The following COL14A1 variants were observed in gnomAD, a reference collection of about 807,000 sequenced individuals.
COL14A1 encodes collagen type XIV alpha 1 chain.
In COL14A1, 136 loss-of-function variants were observed where a neutral mutation model predicts 230.3. The ratio of observed to expected loss-of-function variants is 0.59; its 90% confidence interval spans 0.51 to 0.68. The LOEUF is 0.68. Among genes scored for constraint, COL14A1 ranks in the 30% least tolerant of loss-of-function variants. The probability of loss-of-function intolerance (pLI) is 0.00; values close to 1 mark genes in which losing one functional copy is unlikely to be tolerated. For missense variants in COL14A1, 1,976 were observed against 2,215.8 expected (o/e 0.89, Z 2.17); for synonymous variants, 792 against 784.1 (o/e 1.01, Z -0.17).
chr8:120,230,762 T>A (rs1296388316), intron 18 of COL14A1, among the ~76,000 whole-genome samples: 2 of 151,994 alleles, frequency 1.3e-5, no homozygotes, highest in Non-Finnish European at 2.9e-5. Context: ...ATTTTCTAAA[T>A]GAATTAATAG....
At chr8:120,206,342 T>C (rs999579282) in intron 9 of COL14A1, among the ~76,000 whole-genome samples, 2 of 151,764 alleles carry the variant, frequency 1.3e-5, no homozygotes, top group Non-Finnish European at 2.9e-5. Context: ...TTAGTTAATG[T>C]TTGTTTGTTT....
chr8:120,196,492 A>G (rs983882107), intron 5 of COL14A1, among the ~76,000 whole-genome samples: 2 of 152,210 alleles, frequency 1.3e-5, no homozygotes, highest in Non-Finnish European at 2.9e-5. Flanking sequence ...GCAAAAGCTC[A>G]GAGCTGGATG....
intron 45 of COL14A1, among the ~76,000 whole-genome samples, chr8:120,353,843 G>A (rs1822867114): frequency 6.6e-6 from 1 of 151,878 alleles, no homozygotes; most frequent in Non-Finnish European, 1.5e-5. Context: ...CGATTCCTCA[G>A]GAATCTAGAA....
chr8:120,336,330 C>G (rs1822070655), intron 42 of COL14A1, among the ~76,000 whole-genome samples: 1 of 152,118 alleles, frequency 6.6e-6, no homozygotes, highest in African/African-American at 2.4e-5. Context: ...TGGGTAGGAA[C>G]CTAACCCACA....
chr8:120,167,240 A>G (rs1586732462), intron 4 of COL14A1, among the ~76,000 whole-genome samples: 1 of 152,302 alleles, frequency 6.6e-6, no homozygotes, highest in South Asian at 2.1e-4. Context: ...GATGTGATAA[A>G]GACAGGATGA....
chr8:120,251,251 G>C (rs1818938665), intron 22 of COL14A1, among the ~76,000 whole-genome samples: 1 of 152,164 alleles, frequency 6.6e-6, no homozygotes, highest in Admixed American at 6.5e-5. Flanking sequence ...TCAGTACCTG[G>C]CTTTCAAATA....
intron 10 of COL14A1, among the ~76,000 whole-genome samples, chr8:120,207,681 A>G (rs751077341): frequency 3.3e-5 from 5 of 152,222 alleles, no homozygotes; most frequent in East Asian, 1.9e-4. Flanking sequence ...TTCACAAGCA[A>G]TAAGTTAAAA....
rs533969179 is a variant in COL14A1 at position 120,295,479 on chromosome 8, T to G, written c.4237-2032T>G. Among the ~76,000 whole-genome samples, 36 of 152,014 alleles carry G rather than the reference T, an allele frequency of 2.4e-4. 1 individual carries two copies. The highest frequency in any genetic ancestry group is 7.5e-4 in the African/African-American group (31 of 41,564). Reference sequence around the variant, plus strand: ...AAAGATATATGCAAAGTGCTTAGGATAGTGCCTGGCATTCATTTCTGCAAA... The same window carrying G: ...AAAGATATATGCAAAGTGCTTAGGAGAGTGCCTGGCATTCATTTCTGCAAA... On this transcript the variant is annotated intron_variant, in intron 34 of 47. Coordinates refer to ENST00000297848, the MANE Select transcript of COL14A1 (RefSeq NM_021110.4).
chr8:120,208,835 A>G (rs1167424595), intron 11 of COL14A1, among the ~76,000 whole-genome samples: 1 of 152,144 alleles, frequency 6.6e-6, no homozygotes, highest in Non-Finnish European at 1.5e-5. Context: ...GGATCGTAAT[A>G]ACACACCATG....
intron 1 of COL14A1, among the ~76,000 whole-genome samples, chr8:120,144,031 T>C (rs571357759): frequency 6.6e-6 from 1 of 152,294 alleles, no homozygotes; most frequent in East Asian, 1.9e-4. Context: ...TCAATTGATG[T>C]GTTTTTATTG....
intron 45 of COL14A1, among the ~76,000 whole-genome samples, chr8:120,347,802 T>C (rs1822575616): frequency 6.6e-6 from 1 of 152,168 alleles, no homozygotes; most frequent in Non-Finnish European, 1.5e-5. Context: ...TAAAATATGA[T>C]TATCATCATT....
intron 40 of COL14A1, among the ~76,000 whole-genome samples, chr8:120,321,857 C>T (rs1177420323): frequency 3.3e-5 from 5 of 151,994 alleles, no homozygotes; most frequent in South Asian, 2.1e-4. Context: ...CTCAGAGATT[C>T]GGATACAAAA....
At chr8:120,136,344 T>G (rs1814706540) in intron 1 of COL14A1, among the ~76,000 whole-genome samples, 1 of 149,498 alleles carries the variant, frequency 6.7e-6, no homozygotes, top group Non-Finnish European at 1.5e-5. Flanking sequence ...GAAATACTTT[T>G]TGTCCTTCTA....
chr8:120,341,106 T>C (rs889645654), intron 42 of COL14A1, among the ~76,000 whole-genome samples: 2 of 152,194 alleles, frequency 1.3e-5, no homozygotes, highest in Non-Finnish European at 2.9e-5. Context: ...ATACCATGTC[T>C]CTGCATAAAA....
intron 5 of COL14A1, among the ~76,000 whole-genome samples, chr8:120,189,767 G>C (rs1233111520): frequency 2.0e-5 from 3 of 151,510 alleles, no homozygotes; most frequent in African/African-American, 4.8e-5. Flanking sequence ...AGTTTACTGA[G>C]AATGATGATT....
intron 19 of COL14A1, among the ~76,000 whole-genome samples, chr8:120,242,336 C>G (rs1053702387): frequency 1.3e-5 from 2 of 152,224 alleles, no homozygotes; most frequent in African/African-American, 4.8e-5. Flanking sequence ...CTATTCCTGG[C>G]AAGCTAATGA....
At chr8:120,275,229 A>C (rs1819801157) in intron 26 of COL14A1, among the ~76,000 whole-genome samples, 1 of 152,030 alleles carries the variant, frequency 6.6e-6, no homozygotes, top group Non-Finnish European at 1.5e-5. Flanking sequence ...AACATTCAAA[A>C]ACATAAATTG....
At chr8:120,297,436 A>T in intron 34 of COL14A1, 75 bp from the exon 35 acceptor site, 1 of 710,880 alleles carries the variant, frequency 1.4e-6, no homozygotes. Context: ...CTGTTATATA[A>T]TACATAACAT....
intron 26 of COL14A1, among the ~76,000 whole-genome samples, chr8:120,275,804 T>A (rs964232032): frequency 6.6e-6 from 1 of 152,040 alleles, no homozygotes; most frequent in Non-Finnish European, 1.5e-5. Flanking sequence ...CCTGTAAGAA[T>A]GGCCATTATT....
Sources: allele counts gnomAD v4.1 joint callset (sites outside exome capture counted in the v4.1 genomes callset), GRCh38; gene constraint gnomAD v4.1.1; transcripts MANE v1.5; gene names NCBI Gene and HGNC (gene_info 2026-07-23, HGNC 2026-07-21).